Variants in FSD2 observed in about 807,000 individuals in gnomAD.
The protein encoded by FSD2 is fibronectin type III and SPRY domain-containing protein 2.
A neutral mutation model predicts 80.4 loss-of-function variants in FSD2; 71 were observed. The observed-to-expected ratio is 0.88, with a 90% CI of 0.73 to 1.08. FSD2 has a LOEUF of 1.08. Among genes scored for constraint, FSD2 ranks in the 50% least tolerant of loss-of-function variants. The pLI is 0.00. For synonymous variants in FSD2, 361 were observed against 329.5 expected, an observed-to-expected ratio of 1.10 and a Z score of -1.03; for missense variants, 923 against 913.8, an observed-to-expected ratio of 1.01 and a Z score of -0.13.
chr15:82,776,526 C>A (rs1188939633), intron 6 of FSD2, among the ~76,000 whole-genome samples: 1 of 152,018 alleles, frequency 6.6e-6, no homozygotes, highest in Non-Finnish European at 1.5e-5. Flanking sequence ...ATAAACTTAA[C>A]TGAGGAGGTG....
chr15:82,760,334 C>A (rs1421789692), intron 12 of FSD2, among the ~76,000 whole-genome samples: 1 of 152,124 alleles, frequency 6.6e-6, no homozygotes. Flanking sequence ...GAGTGGGGAG[C>A]CAGTGGGCCT....
chr15:82,791,896 G>A lies in FSD2; in HGVS notation c.-78-4428C>T, dbSNP rs553088740. The stretch of plus-strand genomic sequence containing the variant: ...ACTGTTTTCAAGATTCATCCATGTC[G>A]TAGCATGTATCAGTATTTCATTCCC... On this transcript the variant is annotated intron_variant, in intron 1 of 12. Transcript: ENST00000334574. Among the ~76,000 whole-genome samples the A allele has an allele frequency of 7.9e-5, 12 of 152,234 alleles. No homozygotes were observed. The East Asian group carries it at 2.1e-3, about 27-fold the overall frequency.
intron 11 of FSD2, among the ~76,000 whole-genome samples, chr15:82,764,555 C>T (rs1240361548): frequency 7.3e-6 from 1 of 136,228 alleles, no homozygotes; most frequent in Admixed American, 8.3e-5. Flanking sequence ...AGTGTAGTGG[C>T]GCCATCTCCG....
intron 1 of FSD2, among the ~76,000 whole-genome samples, chr15:82,795,865 T>A (rs1469803790): frequency 6.6e-6 from 1 of 151,402 alleles, no homozygotes; most frequent in Non-Finnish European, 1.5e-5. Context: ...ATAGGTGAGT[T>A]ATGATAGGAG....
intron 1 of FSD2, among the ~76,000 whole-genome samples, chr15:82,798,147 T>A (rs1284628595): frequency 2.0e-5 from 3 of 152,050 alleles, no homozygotes; most frequent in East Asian, 3.9e-4. Context: ...GAGACCAGCC[T>A]GGGCAACAAA....
Position 82,787,451 on chromosome 15 carries a change from ATAG to A in FSD2, c.-64_-62del. On this transcript the variant is annotated 5_prime_UTR_variant, in exon 2 of 13. Transcript: ENST00000334574. Reference sequence around the variant, plus strand: ...AAGAAAGATCCTTCCTGGACACTTAATAGTGAATATCTGGGCCCTGGAACACAA... The same window carrying A: ...AAGAAAGATCCTTCCTGGACACTTAATGAATATCTGGGCCCTGGAACACAA... The A allele has an allele frequency of 6.8e-7, 1 of 1,475,966 alleles. No individual in the cohort carries two copies. Among genetic ancestry groups the A allele is most frequent in the Non-Finnish European group, 9.1e-7 (1 of 1,098,590 alleles). The allele number at this position is 1,475,966 out of a possible 1,614,324, so 91.4% of individuals were successfully genotyped here.
chr15:82,797,229 T>G (rs2050296674), intron 1 of FSD2, among the ~76,000 whole-genome samples: 1 of 152,198 alleles, frequency 6.6e-6, no homozygotes, highest in African/African-American at 2.4e-5. Flanking sequence ...AAAATAATTT[T>G]TCATGATAGA....
chr15:82,780,068 T>A (rs576854376), intron 5 of FSD2, among the ~76,000 whole-genome samples, 177 bp downstream of exon 5: 17 of 152,168 alleles, frequency 1.1e-4, no homozygotes, highest in African/African-American at 4.1e-4. Flanking sequence ...ATCCTGAGAT[T>A]CAATACTAGA....
At chr15:82,764,912 G>C (rs1462350057) in intron 11 of FSD2, among the ~76,000 whole-genome samples, 1 of 151,978 alleles carries the variant, frequency 6.6e-6, no homozygotes, top group Non-Finnish European at 1.5e-5. Flanking sequence ...CTAGGACCCA[G>C]GGACCATGCC....
At chr15:82,769,917 A>G (rs747943046) in intron 7 of FSD2, 33 bp from the exon 8 acceptor site, 1 of 1,610,606 alleles carries the variant, frequency 6.2e-7, no homozygotes, top group South Asian at 1.1e-5. Flanking sequence ...ATTCAACCCT[A>G]AAAACTGGCC....
intron 1 of FSD2, among the ~76,000 whole-genome samples, chr15:82,801,298 C>T (rs978446561): frequency 6.6e-6 from 1 of 152,172 alleles, no homozygotes; most frequent in Admixed American, 6.5e-5. Flanking sequence ...TCTGGTGCTC[C>T]GTACCAACTA....
chr15:82,777,850 TAA>T (rs34779936), intron 6 of FSD2, among the ~76,000 whole-genome samples: 42 of 130,478 alleles, frequency 3.2e-4, no homozygotes, highest in East Asian at 4.4e-4. Context: ...CTTTCTCAAT[TAA>T]AAAAAAAAAA....
chr15:82,787,785 T>A (rs1015793370), intron 1 of FSD2, among the ~76,000 whole-genome samples: 3 of 152,000 alleles, frequency 2.0e-5, no homozygotes, highest in Admixed American at 6.6e-5. Context: ...ATTATTATTA[T>A]TAATTTATTT....
At chr15:82,765,852 AGTG>A in intron 10 of FSD2, 43 bp downstream of exon 10, 1 of 1,567,196 alleles carries the variant, frequency 6.4e-7, no homozygotes, top group African/African-American at 1.3e-5. Context: ...TCTGCCACAG[AGTG>A]GCCACTTTGG....
intron 1 of FSD2, among the ~76,000 whole-genome samples, chr15:82,798,864 A>C (rs1596265338): frequency 1.5e-5 from 2 of 137,836 alleles, no homozygotes. Context: ...TCTTTCCACT[A>C]TCTCCACTGT....
At chr15:82,771,918 C>T (rs904413439) in intron 7 of FSD2, among the ~76,000 whole-genome samples, 155 bp downstream of exon 7, 15 of 152,228 alleles carry the variant, frequency 9.9e-5, no homozygotes, top group African/African-American at 2.9e-4. Context: ...GCCTTGCTAG[C>T]CCTTTCTGCC....
Position 82,756,229 on chromosome 15 carries a change from G to A in FSD2, c.*3119C>T, listed in dbSNP as rs774353423. The A allele has an allele frequency of 6.8e-5, 18 of 265,102 alleles. No individual in the cohort carries two copies. Among genetic ancestry groups the A allele is most frequent in the Non-Finnish European group, 1.3e-4 (17 of 129,166 alleles). 16.4% of individuals were successfully genotyped at this position (265,102 alleles called of 1,614,324 possible). On this transcript the variant is annotated 3_prime_UTR_variant, in exon 13 of 13. Coordinates refer to ENST00000334574, the MANE Select transcript of FSD2 (RefSeq NM_001007122.4). ...CGAAGTTTTCTTGGTAAGTTGAGGA[G>A]AGGACTTTTCTTATAGTGCAGTCTG...
chr15:82,794,142 C>T (rs935558134), intron 1 of FSD2, among the ~76,000 whole-genome samples: 5 of 152,058 alleles, frequency 3.3e-5, no homozygotes, highest in African/African-American at 1.2e-4. Context: ...CCTCTAATCA[C>T]TGCTTTTGCT....
Position 82,759,316 on chromosome 15 carries a change from A to T in FSD2, c.*32T>A. ...GTGAGCAGCTGCGAGAGGGGTAGGC[A>T]TGGAAGACAGGAAACTGGACATCAG... On this transcript the variant is annotated 3_prime_UTR_variant, in exon 13 of 13. Coordinates refer to ENST00000334574, the MANE Select transcript of FSD2 (RefSeq NM_001007122.4). The T allele has an allele frequency of 1.9e-6, 3 of 1,606,694 alleles. No individual in the cohort carries two copies. Among genetic ancestry groups the T allele is most frequent in the Non-Finnish European group, 2.5e-6 (3 of 1,176,930 alleles).
Sources: allele counts gnomAD v4.1 joint callset (sites outside exome capture counted in the v4.1 genomes callset), GRCh38; gene constraint gnomAD v4.1.1; transcripts MANE v1.5; gene names NCBI Gene and HGNC (gene_info 2026-07-23, HGNC 2026-07-21).